WNK1: variants seen among roughly 807,000 people sequenced by gnomAD.
WNK1 encodes the protein serine/threonine-protein kinase WNK1.
WNK1 carries 38 observed loss-of-function variants against 222.8 expected under a neutral mutation model. The ratio of observed to expected loss-of-function variants is 0.17; its 90% CI spans 0.13 to 0.22. The LOEUF is 0.22. Among genes scored for constraint, WNK1 ranks in the 10% least tolerant of loss-of-function variants. The pLI is 1.00. For synonymous variants in WNK1, 1,090 were observed against 1,092.9 expected, an observed-to-expected ratio of 1.00 and a Z score of 0.05; for missense variants, 2,348 against 2,918.4, an observed-to-expected ratio of 0.80 and a Z score of 4.50.
At chr12:906,396 A>G (rs1053978589) in intron 26 of WNK1, 3 of 985,170 alleles carry the variant, frequency 3.0e-6, no homozygotes, top group African/African-American at 1.7e-5. Flanking sequence ...GAGTTCCTTC[A>G]TCATAACCGC....
rs554069157 is a variant in WNK1, at chr12:754,714, C to G, written c.759+390C>G. 2.0e-5 allele frequency among the ~76,000 whole-genome samples: 3 copies of G among 152,214 alleles called. No homozygotes were observed. In the South Asian group the frequency reaches 6.2e-4, roughly 32 times the overall value. On this transcript the variant is annotated intron_variant, in intron 1 of 27. Coordinates refer to ENST00000315939, the MANE Select transcript of WNK1 (RefSeq NM_018979.4). ...GATGAGCTGCGTCTGGGTGTAGAAG[C>G]GTGTTTTCATTCCTGAGATCAGGCT...
At chr12:783,908 C>CA (rs1261411899) in intron 1 of WNK1, among the ~76,000 whole-genome samples, 14 of 27,438 alleles carry the variant, frequency 5.1e-4, no homozygotes, top group South Asian at 2.2e-3. Flanking sequence ...CTGTCTCCAC[C>CA]AAAAAAAAAA....
At chr12:786,773 C>T (rs1041067272) in intron 1 of WNK1, among the ~76,000 whole-genome samples, 1 of 152,050 alleles carries the variant, frequency 6.6e-6, no homozygotes, top group Non-Finnish European at 1.5e-5. Flanking sequence ...GGCCCTTTAT[C>T]TTCTTTTTTA....
In WNK1 at chr12:896,568, C is replaced by T. The variant is rs755960195; in HGVS notation, c.6081C>T (p.Ser2027=). ...AFLSRDVDDG[S]GSPHSPHQLS... is the part of the protein sequence containing the mutation. ...TAAGTAGGGATGTGGATGATGGTTC[C>T]GGTAGTCCACACTCGCCCCATCAGC... The change falls in exon 24 of 28, where the codon TCC becomes TCT. Residue 2027 remains serine (S), a synonymous_variant. Transcript: ENST00000315939. 17 of 1,612,446 alleles carry T rather than the reference C, an allele frequency of 1.1e-5. No homozygotes were observed. The highest frequency in any genetic ancestry group is 7.7e-5 in the South Asian group (7 of 90,972).
intron 1 of WNK1, among the ~76,000 whole-genome samples, chr12:778,306 T>A (rs921276939): frequency 2.6e-4 from 39 of 152,168 alleles, no homozygotes; most frequent in African/African-American, 7.5e-4. Flanking sequence ...AAATTTTTTA[T>A]TATTAATTTT....
intron 1 of WNK1, among the ~76,000 whole-genome samples, chr12:795,349 C>A (rs1446785833): frequency 6.6e-6 from 1 of 150,786 alleles, no homozygotes; most frequent in African/African-American, 2.4e-5. Context: ...GCTCTGTATC[C>A]CCCCACCCAA....
At chr12:906,485 G>A (rs1955709629) in intron 26 of WNK1, 21 of 985,182 alleles carry the variant, frequency 2.1e-5, no homozygotes, top group Non-Finnish European at 2.5e-5. Context: ...TGCTGTTCTG[G>A]GAAGAGTGGG....
intron 24 of WNK1, 21 bp from the exon 25 acceptor site, chr12:897,458 A>T: frequency 2.1e-6 from 3 of 1,434,992 alleles, no homozygotes; most frequent in South Asian, 2.3e-5. Context: ...ATTTTGAATT[A>T]TGTTTGGTTA....
intron 1 of WNK1, among the ~76,000 whole-genome samples, chr12:777,007 C>T (rs189353871): frequency 6.6e-6 from 1 of 152,118 alleles, no homozygotes; most frequent in African/African-American, 2.4e-5. Flanking sequence ...ACCTCTTGGT[C>T]CCTTTATTGT....
Position 894,630 on chromosome 12 carries a change from T to G in WNK1, c.5578T>G (p.Phe1860Val). The change falls in exon 23 of 28, where the codon TTT becomes GTT. Residue 1860 changes from phenylalanine to valine, a missense_variant. By Grantham distance (50) the Phe-to-Val change is conservative. Coordinates refer to ENST00000315939, the MANE Select transcript of WNK1 (RefSeq NM_018979.4). The stretch of plus-strand genomic sequence containing the variant: ...AGCTGGTGTTTTTAAGATGGGACGA[T>G]TTCAGGTAAGACAGTCACTTTGTGT... ...SGAGVFKMGR[F>V]QVSVAADGAQ... 1 of 1,613,984 alleles carries G rather than the reference T, an allele frequency of 6.2e-7. No individual in the cohort carries two copies. Among genetic ancestry groups the G allele is most frequent in the Non-Finnish European group, 8.5e-7 (1 of 1,179,888 alleles).
At chr12:779,283 T>G (rs187779169) in intron 1 of WNK1, among the ~76,000 whole-genome samples, 43 of 152,294 alleles carry the variant, frequency 2.8e-4, no homozygotes, top group Admixed American at 9.8e-4. Context: ...GAATTCCCTG[T>G]TGGGAAAGTA....
chr12:810,599 T>G (rs1946818293), intron 1 of WNK1, among the ~76,000 whole-genome samples: 1 of 148,660 alleles, frequency 6.7e-6, no homozygotes, highest in Non-Finnish European at 1.5e-5. Flanking sequence ...GGTTTGCTTC[T>G]GGGCGAATAA....
chr12:810,757 A>G (rs1440403313), intron 1 of WNK1, among the ~76,000 whole-genome samples: 2 of 152,186 alleles, frequency 1.3e-5, no homozygotes, highest in African/African-American at 2.4e-5. Flanking sequence ...AGGTCATTGT[A>G]CTAAACATTA....
At chr12:762,623 T>A (rs1941175691) in intron 1 of WNK1, among the ~76,000 whole-genome samples, 1 of 147,400 alleles carries the variant, frequency 6.8e-6, no homozygotes, top group Non-Finnish European at 1.5e-5. Flanking sequence ...ACAGAGAAGT[T>A]AATTGGTTAG....
chr12:816,460 T>A (rs999050797), intron 2 of WNK1, among the ~76,000 whole-genome samples: 4 of 151,712 alleles, frequency 2.6e-5, no homozygotes, highest in Admixed American at 6.6e-5. Context: ...TTTTTTTTTT[T>A]AGTAGAGACA....
At chr12:872,878 A>G (rs1952275555) in intron 9 of WNK1, among the ~76,000 whole-genome samples, 1 of 152,240 alleles carries the variant, frequency 6.6e-6, no homozygotes, top group African/African-American at 2.4e-5. Flanking sequence ...AATCACTTAA[A>G]GGCACTTTCT....
intron 1 of WNK1, among the ~76,000 whole-genome samples, chr12:757,517 T>A (rs1940302828): frequency 6.6e-6 from 1 of 151,902 alleles, no homozygotes; most frequent in South Asian, 2.1e-4. Context: ...TCTTAGTAAA[T>A]AATGCCTAGG....
At chr12:831,040 G>A (rs930862952) in intron 4 of WNK1, among the ~76,000 whole-genome samples, 2 of 152,152 alleles carry the variant, frequency 1.3e-5, no homozygotes, top group African/African-American at 2.4e-5. Context: ...AATTTTCCTC[G>A]TGGTGTCATT....
At chr12:814,799 C>T (rs750846446) in intron 2 of WNK1, among the ~76,000 whole-genome samples, 1 of 152,134 alleles carries the variant, frequency 6.6e-6, no homozygotes, top group Non-Finnish European at 1.5e-5. Flanking sequence ...ATTGTGCACT[C>T]TATTTCTATT....
Sources: allele counts gnomAD v4.1 joint callset (sites outside exome capture counted in the v4.1 genomes callset), GRCh38; gene constraint gnomAD v4.1.1; transcripts MANE v1.5; gene names NCBI Gene and HGNC (gene_info 2026-07-23, HGNC 2026-07-21).